ARHGAP10: variants seen among roughly 807,000 people sequenced by gnomAD.
ARHGAP10 encodes the protein Rho GTPase activating protein 10, also known as rho GTPase-activating protein 10.
ARHGAP10 carries 87 observed loss-of-function variants against 108.6 expected under a neutral mutation model. The observed-to-expected ratio is 0.80, with a 90% CI of 0.67 to 0.96. ARHGAP10 has a LOEUF of 0.96. Ranked by LOEUF, ARHGAP10 falls within the 40% of genes least tolerant of loss-of-function variation. ARHGAP10 has a pLI of 0.00. For synonymous variants in ARHGAP10, 347 were observed against 341.1 expected (o/e 1.02, Z -0.19); for missense variants, 939 against 954.5 (o/e 0.98, Z 0.21).
At position 148,072,178 on chromosome 4, in the gene ARHGAP10, A is replaced by G; in HGVS notation, c.*97A>G. 1.2e-6 allele frequency: 1 copy of G among 868,882 alleles called. No homozygotes were observed. The highest frequency in any genetic ancestry group is 1.8e-5 in the African/African-American group (1 of 56,470). The allele number at this position is 868,882 out of a possible 1,614,324, so 53.8% of individuals were successfully genotyped here. ...CTCCGAGGCTCTGGGCTGCACCCAC[A>G]GGTACCTCCACACTTGGGAGTTACC... On this transcript the variant is annotated 3_prime_UTR_variant, in exon 23 of 23. Coordinates refer to ENST00000336498, the MANE Select transcript of ARHGAP10 (RefSeq NM_024605.4).
At chr4:147,996,591 T>A (rs986590692) in intron 18 of ARHGAP10, among the ~76,000 whole-genome samples, 2 of 152,156 alleles carry the variant, frequency 1.3e-5, no homozygotes, top group Non-Finnish European at 2.9e-5. Flanking sequence ...TGAAGTGTGT[T>A]AGCAAAACCA....
chr4:147,951,658 G>GC (rs1345933761), intron 15 of ARHGAP10, among the ~76,000 whole-genome samples: 2 of 150,962 alleles, frequency 1.3e-5, no homozygotes, highest in Admixed American at 1.3e-4. Context: ...TCACTTTGTT[G>GC]CCTAGGCTGG....
rs533732451 is a variant in ARHGAP10, at chr4:147,875,909, C to T, written c.832+759C>T. On this transcript the variant is annotated intron_variant, in intron 8 of 22. Transcript: ENST00000336498. The stretch of plus-strand genomic sequence containing the variant: ...CGTTTACTACGTCAACTGTACAACC[C>T]AATTGCTAGTTAGCAGAAGGGATGA... Among the ~76,000 whole-genome samples, 3 of 152,298 alleles carry T rather than the reference C, an allele frequency of 2.0e-5. No individual in the cohort carries two copies. In the South Asian group the frequency reaches 6.2e-4, roughly 32 times the overall value.
At chr4:147,755,240 AATTTTTACTT>A (rs1301694370) in intron 1 of ARHGAP10, among the ~76,000 whole-genome samples, 5 of 152,108 alleles carry the variant, frequency 3.3e-5, no homozygotes, top group East Asian at 1.9e-4. Flanking sequence ...TTCTCATTAA[AATTTTTACTT>A]ATTTTTACTT....
chr4:147,843,402 C>G (rs767670881), intron 3 of ARHGAP10, among the ~76,000 whole-genome samples: 9 of 152,222 alleles, frequency 5.9e-5, no homozygotes, highest in Non-Finnish European at 1.3e-4. Context: ...CGTGGTCTCA[C>G]CTGTCAGTCA....
At chr4:147,939,570 C>A (rs1738090160) in intron 13 of ARHGAP10, among the ~76,000 whole-genome samples, 1 of 152,192 alleles carries the variant, frequency 6.6e-6, no homozygotes, top group Non-Finnish European at 1.5e-5. Flanking sequence ...TGATACTTAA[C>A]TAACTTACTA....
At position 147,794,988 on chromosome 4, in the gene ARHGAP10, C is replaced by T. The variant is rs74422252; in HGVS notation, c.155-27739C>T. On this transcript the variant is annotated intron_variant, in intron 1 of 22. Transcript: ENST00000336498. The stretch of plus-strand genomic sequence containing the variant: ...GGTTTCCAGCTGCTTTTGCAGTTGA[C>T]TATAGTCAGTTCCATATAGTGTGGC... 5.4e-3 allele frequency among the ~76,000 whole-genome samples: 824 copies of T among 152,294 alleles called. 5 individuals carry two copies. The highest frequency in any genetic ancestry group is 9.3e-3 in the Non-Finnish European group (634 of 68,014).
In ARHGAP10 at chr4:147,833,703, TGCTAAGTGTTAA is replaced by T. The variant is rs200353266; in HGVS notation, c.312+10751_312+10762del. On this transcript the variant is annotated intron_variant, in intron 3 of 22. Coordinates refer to ENST00000336498, the MANE Select transcript of ARHGAP10 (RefSeq NM_024605.4). ...AGAGCTTTTTCAATGTATATAAAAG[TGCTAAGTGTTAA>T]GCTATTATTTCAAGATTAGCAGGAT... 4.9e-3 allele frequency among the ~76,000 whole-genome samples: 752 copies of T among 152,332 alleles called. 9 individuals carry two copies. Among genetic ancestry groups the T allele is most frequent in the South Asian group, 0.047 (229 of 4,824 alleles).
intron 11 of ARHGAP10, among the ~76,000 whole-genome samples, chr4:147,908,359 G>C (rs933773029): frequency 1.1e-4 from 17 of 152,154 alleles, no homozygotes; most frequent in African/African-American, 3.4e-4. Context: ...ACTTTGGAAA[G>C]TCAGTTTGCG....
rs1296312151 is a variant in ARHGAP10, at chr4:147,788,136, T to TC, written c.155-34591_155-34590insC. On this transcript the variant is annotated intron_variant, in intron 1 of 22. Coordinates refer to ENST00000336498, the MANE Select transcript of ARHGAP10 (RefSeq NM_024605.4). ...AAATAGCTCCTTTTAAAAAATTTGA[T>TC]TTTTTTTTTTTAAAAAGCGTTTCTG... Among the ~76,000 whole-genome samples the TC allele has an allele frequency of 2.8e-4, 4 of 14,054 alleles. No individual in the cohort carries two copies. In the East Asian group the frequency reaches 0.023, roughly 81 times the overall value. 9.2% of individuals were successfully genotyped at this position (14,054 alleles called of 152,430 possible).
At chr4:148,064,616 C>T (rs1729781533) in intron 22 of ARHGAP10, 109 bp downstream of exon 22, 2 of 962,426 alleles carry the variant, frequency 2.1e-6, no homozygotes, top group South Asian at 1.6e-5. Flanking sequence ...GGCGAGTCTC[C>T]CCCTTGATGC....
At chr4:148,007,538 T>C (rs1291859042) in intron 18 of ARHGAP10, among the ~76,000 whole-genome samples, 1 of 152,212 alleles carries the variant, frequency 6.6e-6, no homozygotes, top group African/African-American at 2.4e-5. Flanking sequence ...CTTCAGCGAT[T>C]CATGAGTCAG....
intron 16 of ARHGAP10, among the ~76,000 whole-genome samples, chr4:147,962,229 G>A (rs572310189): frequency 3.9e-5 from 6 of 152,286 alleles, no homozygotes; most frequent in Admixed American, 2.6e-4. Context: ...AACACTGCTC[G>A]TCTCTGCCTT....
At chr4:147,848,105 C>G (rs368831087) in intron 4 of ARHGAP10, among the ~76,000 whole-genome samples, 1 of 91,224 alleles carries the variant, frequency 1.1e-5, no homozygotes, top group South Asian at 3.7e-4. Flanking sequence ...TTTTTTTTTT[C>G]TCTTCCTAAA....
chr4:147,932,816 A>C (rs1737758009), intron 13 of ARHGAP10, among the ~76,000 whole-genome samples: 1 of 152,198 alleles, frequency 6.6e-6, no homozygotes, highest in Non-Finnish European at 1.5e-5. Context: ...GTTGGAGATA[A>C]AAAATGGAAA....
chr4:147,840,434 C>A (rs548679274), intron 3 of ARHGAP10, among the ~76,000 whole-genome samples: 1 of 152,198 alleles, frequency 6.6e-6, no homozygotes, highest in Admixed American at 6.5e-5. Context: ...TCCTCCTAAA[C>A]CTTTTTAGCA....
chr4:147,862,077 G>C (rs1172414523), intron 5 of ARHGAP10: 1 of 152,424 alleles, frequency 6.6e-6, no homozygotes, highest in Non-Finnish European at 1.5e-5. Flanking sequence ...TTTGTGCCAA[G>C]AGGTGCCTGC....
At chr4:148,041,310 G>A (rs577066261) in intron 19 of ARHGAP10, among the ~76,000 whole-genome samples, 5 of 152,308 alleles carry the variant, frequency 3.3e-5, no homozygotes, top group East Asian at 1.9e-4. Context: ...CTTCAGCTAC[G>A]TGGAAGAACA....
At position 147,765,764 on chromosome 4, in the gene ARHGAP10, C is replaced by T. The variant is rs551036596; in HGVS notation, c.154+33309C>T. On this transcript the variant is annotated intron_variant, in intron 1 of 22. Transcript: ENST00000336498. The stretch of plus-strand genomic sequence containing the variant: ...GCAGTGAGCCATGATTGCACAACTG[C>T]ACTCCAGCCTGGGCGACACGATGAG... Among the ~76,000 whole-genome samples the T allele has an allele frequency of 2.0e-5, 3 of 152,306 alleles. 1 individual carries two copies. Among genetic ancestry groups the T allele is most frequent in the East Asian group, 3.9e-4 (2 of 5,176 alleles).
Sources: allele counts gnomAD v4.1 joint callset (sites outside exome capture counted in the v4.1 genomes callset), GRCh38; gene constraint gnomAD v4.1.1; transcripts MANE v1.5; gene names NCBI Gene and HGNC (gene_info 2026-07-23, HGNC 2026-07-21).